Variants in NFIB observed in about 807,000 individuals in gnomAD.
NFIB encodes the protein nuclear factor I B.
A neutral mutation model predicts 61.5 loss-of-function variants in NFIB; 11 were observed. That is an observed-to-expected ratio of 0.18 (90% CI 0.11 to 0.30). NFIB has a LOEUF of 0.30. Ranked by LOEUF, NFIB falls within the 10% of genes least tolerant of loss-of-function variation. The pLI, the probability that NFIB is intolerant of heterozygous loss-of-function variation, is 1.00. For missense variants in NFIB, 471 were observed against 608.9 expected, an observed-to-expected ratio of 0.77 and a Z score of 2.38; for synonymous variants, 260 against 216.5, an observed-to-expected ratio of 1.20 and a Z score of -1.76.
intron 2 of NFIB, among the ~76,000 whole-genome samples, chr9:14,279,517 G>A (rs1016256761): frequency 6.6e-6 from 1 of 152,114 alleles, no homozygotes; most frequent in Non-Finnish European, 1.5e-5. Flanking sequence ...CAAAAGGTAC[G>A]ACTTCAAAGA....
At chr9:14,508,740 T>C in the NFIB span, among the ~76,000 whole-genome samples, 1 of 152,248 alleles carries the variant, frequency 6.6e-6, no homozygotes, top group South Asian at 2.1e-4. Flanking sequence ...ACACATTTCC[T>C]TGGACTCCAT....
chr9:14,295,683 ACAT>A (rs906608963), intron 2 of NFIB, among the ~76,000 whole-genome samples: 3 of 152,174 alleles, frequency 2.0e-5, no homozygotes, highest in African/African-American at 7.2e-5. Flanking sequence ...CCATCTAGCC[ACAT>A]CATCATCACT....
At chr9:14,516,832 G>A in the NFIB span, among the ~76,000 whole-genome samples, 2 of 152,124 alleles carry the variant, frequency 1.3e-5, no homozygotes, top group Non-Finnish European at 2.9e-5. Context: ...TTCGTGATTA[G>A]TTAGTATTAT....
intron 1 of NFIB, among the ~76,000 whole-genome samples, chr9:14,335,267 G>A (rs562788699): frequency 1.6e-3 from 242 of 152,236 alleles, no homozygotes; most frequent in African/African-American, 5.4e-3. Context: ...TGTCAACACC[G>A]TTTTCCAAAA....
chr9:14,420,276 A>G, the NFIB span, among the ~76,000 whole-genome samples: 1 of 151,762 alleles, frequency 6.6e-6, no homozygotes, highest in Non-Finnish European at 1.5e-5. Flanking sequence ...GCGAAACCTC[A>G]TCTCTACTAA....
Position 14,116,346 on chromosome 9 carries a change from G to A in NFIB, c.1246C>T (p.Pro416Ser). 1 of 1,499,670 alleles carries A rather than the reference G, an allele frequency of 6.7e-7. No homozygotes were observed. The highest frequency in any genetic ancestry group is 8.9e-7 in the Non-Finnish European group (1 of 1,122,420). 92.9% of individuals were successfully genotyped at this position (1,499,670 alleles called of 1,614,324 possible). Residue 416 changes from proline (P) to serine (S), a missense_variant and splice_region_variant, in exon 9 of 11, where the codon CCT (proline) becomes TCT (serine). This residue lies in a region of NFIB where 372 missense variants were observed against 395.6 expected (regional missense o/e 0.94). Transcript: ENST00000380953. Reference sequence around the variant, plus strand: ...CCTACTACTTGACCACTGCCGTTAGGCTACAAAACAAAAACAGAATGCCGG... The same window carrying A: ...CCTACTACTTGACCACTGCCGTTAGACTACAAAACAAAAACAGAATGCCGG... ...YDPSSPQTSQ[P>S]NGSGQVVGKV...
At chr9:14,242,690 T>C (rs1291961681) in intron 2 of NFIB, among the ~76,000 whole-genome samples, 1 of 152,220 alleles carries the variant, frequency 6.6e-6, no homozygotes, top group Non-Finnish European at 1.5e-5. Flanking sequence ...CTTATGCATA[T>C]CTTATCATGC....
At chr9:14,343,841 G>A (rs1330161788) in intron 1 of NFIB, among the ~76,000 whole-genome samples, 4 of 148,686 alleles carry the variant, frequency 2.7e-5, no homozygotes, top group African/African-American at 5.0e-5. Context: ...GTCGGGGGGG[G>A]AAGTGTGCCA....
intron 1 of NFIB, among the ~76,000 whole-genome samples, chr9:14,381,031 G>A (rs947445730): frequency 4.0e-5 from 5 of 125,120 alleles, no homozygotes; most frequent in African/African-American, 6.1e-5. Flanking sequence ...CCGAGATCGC[G>A]CCACTGCACT....
At chr9:14,473,921 A>G in the NFIB span, among the ~76,000 whole-genome samples, 1 of 152,158 alleles carries the variant, frequency 6.6e-6, no homozygotes, top group Non-Finnish European at 1.5e-5. Flanking sequence ...CCTCCTAAGT[A>G]TTGACTGTGG....
intron 1 of NFIB, among the ~76,000 whole-genome samples, chr9:14,323,976 C>T (rs60783606): frequency 0.053 from 8,094 of 152,220 alleles, 556 homozygotes; most frequent in African/African-American, 0.16. Context: ...AATAATTTGT[C>T]TAACTGCAAG....
At chr9:14,438,959 A>G in the NFIB span, among the ~76,000 whole-genome samples, 9 of 152,162 alleles carry the variant, frequency 5.9e-5, no homozygotes, top group East Asian at 1.5e-3. Context: ...TTCTCTTACC[A>G]TCACATTAAG....
the NFIB span, among the ~76,000 whole-genome samples, chr9:14,423,844 C>T: frequency 2.0e-4 from 30 of 152,168 alleles, no homozygotes; most frequent in African/African-American, 2.4e-5. Context: ...AGTAATCTTA[C>T]ACCATATGTA....
chr9:14,437,095 A>G, the NFIB span, among the ~76,000 whole-genome samples: 6 of 152,224 alleles, frequency 3.9e-5, no homozygotes, highest in South Asian at 8.3e-4. Flanking sequence ...TGGACTAGTC[A>G]CTTGACCTCT....
chr9:14,159,018 A>G (rs1020027711), intron 3 of NFIB, among the ~76,000 whole-genome samples: 1 of 152,100 alleles, frequency 6.6e-6, no homozygotes, highest in African/African-American at 2.4e-5. Context: ...TCATTTCCTT[A>G]TTACTCCAAT....
chr9:14,285,751 G>A (rs780778498), intron 2 of NFIB, among the ~76,000 whole-genome samples: 1 of 152,126 alleles, frequency 6.6e-6, no homozygotes, highest in Non-Finnish European at 1.5e-5. Context: ...CTCACTAAAT[G>A]TTAGCTAAAT....
chr9:14,348,352 A>AC (rs1003536842), intron 1 of NFIB, among the ~76,000 whole-genome samples: 1 of 146,586 alleles, frequency 6.8e-6, no homozygotes, highest in African/African-American at 2.6e-5. Context: ...AAAAAAAAAG[A>AC]CCCCAAATTG....
chr9:14,100,606 G>A (rs1047066791), intron 10 of NFIB, among the ~76,000 whole-genome samples: 6 of 152,092 alleles, frequency 3.9e-5, no homozygotes, highest in African/African-American at 1.4e-4. Flanking sequence ...GCTACGGAGG[G>A]GGCTGAGGCA....
intron 1 of NFIB, among the ~76,000 whole-genome samples, chr9:14,380,654 A>AC (rs2061477337): frequency 6.6e-6 from 1 of 150,900 alleles, no homozygotes; most frequent in Admixed American, 6.6e-5. Flanking sequence ...TTGCCTGGAC[A>AC]CCCCCCGCCT....
Sources: gnomAD v4.1 joint callset for allele counts (sites outside exome capture counted in the v4.1 genomes callset) on GRCh38, gnomAD v4.1.1 for gene constraint, gnomAD v4.1.1 regional missense constraint, MANE v1.5 for transcripts, NCBI Gene and HGNC (gene_info 2026-07-23, HGNC 2026-07-21) for gene names.